Variants in FANCC observed in about 807,000 individuals in gnomAD.
FANCC encodes Fanconi anemia group C protein.
FANCC carries 55 observed loss-of-function variants against 71.3 expected under a neutral mutation model. The observed-to-expected ratio is 0.77, with a 90% CI of 0.62 to 0.97. The LOEUF (loss-of-function observed/expected upper bound fraction) is 0.97, where lower values mean the gene tolerates loss of function less well. Among genes scored for constraint, FANCC ranks in the 50% least tolerant of loss-of-function variants. FANCC has a pLI of 0.00. For missense variants in FANCC, 678 were observed against 670.9 expected (o/e 1.01, Z -0.12); for synonymous variants, 275 against 244.9 (o/e 1.12, Z -1.15).
chr9:95,110,905 G>A, intron 13 of FANCC: 2 of 1,297,158 alleles, frequency 1.5e-6, no homozygotes, highest in Non-Finnish European at 2.0e-6. Context: ...TAGCTGCTCT[G>A]TTATTTAGGA....
At chr9:95,312,761 GC>G (rs1354004551) in intron 1 of FANCC, among the ~76,000 whole-genome samples, 1 of 152,220 alleles carries the variant, frequency 6.6e-6, no homozygotes, top group Non-Finnish European at 1.5e-5. Context: ...AGGAGCCACT[GC>G]CCCTAGGGCT....
intron 13 of FANCC, chr9:95,110,097 T>G: frequency 4.0e-6 from 1 of 250,466 alleles, no homozygotes; most frequent in Non-Finnish European, 6.3e-6. Flanking sequence ...CCACTCACAT[T>G]GAGCCAATAC....
In FANCC at chr9:95,139,602, G is replaced by C. The variant is rs562179513; in HGVS notation, c.687-4100C>G. Among the ~76,000 whole-genome samples, 6 of 151,982 alleles carry C rather than the reference G, an allele frequency of 3.9e-5. No homozygotes were observed. The South Asian group carries it at 1.2e-3, about 32-fold the overall frequency. On this transcript the variant is annotated intron_variant, in intron 7 of 14. Coordinates refer to ENST00000289081, the MANE Select transcript of FANCC (RefSeq NM_000136.3). ...TGAGCTGGATCTGTGTCCTGCGAGGGGTATTTAAGACACGCTGGTTAAAAA... is the reference window on the plus strand; with the variant it reads ...TGAGCTGGATCTGTGTCCTGCGAGGCGTATTTAAGACACGCTGGTTAAAAA...
chr9:95,271,373 G>A (rs766189566), intron 1 of FANCC, among the ~76,000 whole-genome samples: 1 of 152,206 alleles, frequency 6.6e-6, no homozygotes, highest in Non-Finnish European at 1.5e-5. Context: ...GAATATCAGG[G>A]TAGGGTAGGC....
chr9:95,140,224 A>T (rs1828430032), intron 7 of FANCC, among the ~76,000 whole-genome samples: 1 of 152,134 alleles, frequency 6.6e-6, no homozygotes, highest in African/African-American at 2.4e-5. Context: ...GGCTCCACCT[A>T]GAAATCTGAT....
intron 1 of FANCC, among the ~76,000 whole-genome samples, chr9:95,307,947 G>A (rs921162853): frequency 6.6e-6 from 1 of 152,224 alleles, no homozygotes; most frequent in African/African-American, 2.4e-5. Flanking sequence ...GGGTCACATC[G>A]CAATGGAAGG....
intron 1 of FANCC, chr9:95,293,724 T>C: frequency 6.2e-7 from 1 of 1,613,894 alleles, no homozygotes; most frequent in Non-Finnish European, 8.5e-7. Context: ...CACTCAGACA[T>C]TTTTGCCCAG....
At position 95,301,343 on chromosome 9, in the gene FANCC, C is replaced by CA. The variant is rs545714060; in HGVS notation, c.-79+16182dup. Among the ~76,000 whole-genome samples, 27 of 152,068 alleles carry CA rather than the reference C, an allele frequency of 1.8e-4. No individual in the cohort carries two copies. In the East Asian group the frequency reaches 5.2e-3, roughly 29 times the overall value. On this transcript the variant is annotated intron_variant, in intron 1 of 14. Transcript: ENST00000289081. ...TTTATAATATCATAACATTTTTGTA[C>CA]AAAATATTTATATGTGTAAGTACAG...
At chr9:95,247,991 T>G (rs1471280934) in intron 2 of FANCC, among the ~76,000 whole-genome samples, 1 of 152,218 alleles carries the variant, frequency 6.6e-6, no homozygotes. Flanking sequence ...ACTCTGGAAC[T>G]TGTAAAAAGA....
intron 7 of FANCC, among the ~76,000 whole-genome samples, chr9:95,139,452 T>C (rs1828250279): frequency 6.6e-6 from 1 of 152,112 alleles, no homozygotes; most frequent in Admixed American, 6.6e-5. Flanking sequence ...AAACATCAGT[T>C]TGAGGATATT....
At chr9:95,245,665 G>A (rs912195012) in intron 3 of FANCC, among the ~76,000 whole-genome samples, 1 of 151,890 alleles carries the variant, frequency 6.6e-6, no homozygotes, top group Non-Finnish European at 1.5e-5. Flanking sequence ...GGGAGGTCGA[G>A]GCGGGTGAAT....
intron 1 of FANCC, among the ~76,000 whole-genome samples, chr9:95,267,861 G>C (rs1476373386): frequency 6.6e-6 from 1 of 152,142 alleles, no homozygotes; most frequent in African/African-American, 2.4e-5. Flanking sequence ...CAGGACTACG[G>C]TCATTAAAAC....
Position 95,114,706 on chromosome 9 carries a change from G to T in FANCC, c.1077C>A (p.Ile359=). Reference sequence around the variant, plus strand: ...GTGTCTGGAGCCAGTGTCCCCGAGGGATATCTGCGGGTGGAGAGAGATACG... The same window carrying T: ...GTGTCTGGAGCCAGTGTCCCCGAGGTATATCTGCGGGTGGAGAGAGATACG... ...AMVLLQDPQD[I]PRGHWLQTLK... is the part of the protein sequence containing the mutation. The change falls in exon 12 of 15, where the codon ATC becomes ATA. Residue 359 remains isoleucine, a synonymous_variant. Coordinates refer to ENST00000289081, the MANE Select transcript of FANCC (RefSeq NM_000136.3). The T allele has an allele frequency of 6.2e-7, 1 of 1,614,076 alleles. No individual in the cohort carries two copies. The highest frequency in any genetic ancestry group is 8.5e-7 in the Non-Finnish European group (1 of 1,179,934).
intron 3 of FANCC, among the ~76,000 whole-genome samples, chr9:95,243,424 C>A (rs1355915548): frequency 6.6e-6 from 1 of 152,120 alleles, no homozygotes; most frequent in South Asian, 2.1e-4. Flanking sequence ...TGATCCTATT[C>A]TCCATGAACA....
rs1209677503 is a variant in FANCC, at chr9:95,099,141, C to T, written c.*2566G>A. The T allele has an allele frequency of 2.3e-5, 5 of 214,162 alleles. No homozygotes were observed. Among genetic ancestry groups the T allele is most frequent in the East Asian group, 1.4e-4 (2 of 14,404 alleles). 13.3% of individuals were successfully genotyped at this position (214,162 alleles called of 1,614,324 possible). ...GAGCTAAAAAATTCCACAGATGTCA[C>T]GGAGTCCAGGGGAATAACAGCCTGG... On this transcript the variant is annotated 3_prime_UTR_variant, in exon 15 of 15. Transcript: ENST00000289081.
intron 4 of FANCC, among the ~76,000 whole-genome samples, chr9:95,211,001 A>T (rs996240194): frequency 6.6e-6 from 1 of 152,110 alleles, no homozygotes; most frequent in South Asian, 2.1e-4. Context: ...AGGCTTACCA[A>T]TTTTTTCAAA....
At chr9:95,158,099 G>A (rs1305341396) in intron 6 of FANCC, among the ~76,000 whole-genome samples, 1 of 152,112 alleles carries the variant, frequency 6.6e-6, no homozygotes, top group African/African-American at 2.4e-5. Flanking sequence ...GATGCACACA[G>A]GCAACTCTCC....
At chr9:95,288,721 C>T (rs951340577) in intron 1 of FANCC, among the ~76,000 whole-genome samples, 10 of 151,642 alleles carry the variant, frequency 6.6e-5, no homozygotes, top group African/African-American at 2.4e-4. Flanking sequence ...TATTTGATCA[C>T]ACATAGGGCA....
chr9:95,236,319 T>G (rs1326188), intron 4 of FANCC, among the ~76,000 whole-genome samples: 16,166 of 152,226 alleles, frequency 0.11, 1,018 homozygotes, highest in East Asian at 0.2. Flanking sequence ...ATCCTCAGCC[T>G]CTATAGTTGT....
Sources: allele counts gnomAD v4.1 joint callset (sites outside exome capture counted in the v4.1 genomes callset), GRCh38; gene constraint gnomAD v4.1.1; transcripts MANE v1.5; gene names NCBI Gene and HGNC (gene_info 2026-07-23, HGNC 2026-07-21).